Variants in PANK3 observed in about 807,000 individuals in gnomAD.
The protein encoded by PANK3 is pantothenate kinase 3.
A neutral mutation model predicts 39.4 loss-of-function variants in PANK3; 20 were observed. The observed-to-expected ratio is 0.51, with a 90% CI of 0.36 to 0.74. The LOEUF (loss-of-function observed/expected upper bound fraction) is 0.74. Ranked by LOEUF, PANK3 falls within the 30% of genes least tolerant of loss-of-function variation. The probability of loss-of-function intolerance (pLI) is 0.00; values close to 1 mark genes in which losing one functional copy is unlikely to be tolerated. For synonymous variants in PANK3, 140 were observed against 157.3 expected (o/e 0.89, Z 0.82); for missense variants, 265 against 437.0 (o/e 0.61, Z 3.51).
intron 1 of PANK3, 38 bp from the exon 2 acceptor site, chr5:168,569,036 T>TATATATATATAA (rs1759584331): frequency 2.9e-6 from 1 of 346,650 alleles, no homozygotes; most frequent in Non-Finnish European, 4.4e-6. Flanking sequence ...AAAAAATATA[T>TATATATATATAA]ATATATATAT....
chr5:168,565,249 C>A (rs1267080573), intron 3 of PANK3, among the ~76,000 whole-genome samples: 1 of 152,094 alleles, frequency 6.6e-6, no homozygotes, highest in African/African-American at 2.4e-5. Flanking sequence ...CTTCCTTAAA[C>A]TGGAATCTTC....
intron 3 of PANK3, among the ~76,000 whole-genome samples, chr5:168,565,562 G>A (rs1160333175): frequency 6.6e-6 from 1 of 151,920 alleles, no homozygotes; most frequent in East Asian, 1.9e-4. Flanking sequence ...ATAGAACACT[G>A]TTGCTTCCAA....
At chr5:168,564,887 T>A (rs1759501369) in intron 3 of PANK3, among the ~76,000 whole-genome samples, 1 of 152,236 alleles carries the variant, frequency 6.6e-6, no homozygotes, top group Non-Finnish European at 1.5e-5. Context: ...CTGGCCAACA[T>A]GTCAATTACA....
At chr5:168,574,202 T>C (rs1398305639) in intron 1 of PANK3, among the ~76,000 whole-genome samples, 3 of 150,670 alleles carry the variant, frequency 2.0e-5, no homozygotes, top group Admixed American at 6.6e-5. Flanking sequence ...TTTTTAATGA[T>C]TGCCATTCTA....
intron 5 of PANK3, among the ~76,000 whole-genome samples, chr5:168,560,084 G>A (rs1272732869): frequency 3.3e-5 from 5 of 152,098 alleles, no homozygotes; most frequent in Admixed American, 6.5e-5. Flanking sequence ...GTAAACCATG[G>A]CCTAAATTAT....
rs1163775311 is a variant in PANK3 at position 168,554,684 on chromosome 5, T to C, written c.*2887A>G. On this transcript the variant is annotated 3_prime_UTR_variant, in exon 7 of 7. Transcript: ENST00000239231. Reference sequence around the variant, plus strand: ...CATGTTCCTTGCTTTAATATTTCCATTGTAGTGACTAAATATTGGAGCCAA... The same window carrying C: ...CATGTTCCTTGCTTTAATATTTCCACTGTAGTGACTAAATATTGGAGCCAA... 6.6e-6 allele frequency: 1 copy of C among 152,270 alleles called. No individual in the cohort carries two copies. Among genetic ancestry groups the C allele is most frequent in the Non-Finnish European group, 1.5e-5 (1 of 68,042 alleles). 9.4% of individuals were successfully genotyped at this position (152,270 alleles called of 1,614,324 possible).
At chr5:168,573,824 A>C (rs1273695689) in intron 1 of PANK3, among the ~76,000 whole-genome samples, 3 of 152,030 alleles carry the variant, frequency 2.0e-5, no homozygotes, top group Non-Finnish European at 2.9e-5. Flanking sequence ...AATTTCATCC[A>C]TGCCCCTACA....
At position 168,553,228 on chromosome 5, in the gene PANK3, C is replaced by T; in HGVS notation, c.*4343G>A. 2.0e-6 allele frequency: 1 copy of T among 505,182 alleles called. No homozygotes were observed. The allele number at this position is 505,182 out of a possible 1,614,324, so 31.3% of individuals were successfully genotyped here. A position where few individuals can be genotyped will look rare whatever the true frequency, so the allele number is the denominator to read the frequency against. ...ACCAAAGATCTGGATCTCCAGAATA[C>T]CAACGACGTCCAGCTGGTTGAGAGC... On this transcript the variant is annotated 3_prime_UTR_variant, in exon 7 of 7. Coordinates refer to ENST00000239231, the MANE Select transcript of PANK3 (RefSeq NM_024594.4).
rs1040022675 is a variant in PANK3 at position 168,550,251 on chromosome 5, G to A, written c.*7320C>T. On this transcript the variant is annotated 3_prime_UTR_variant, in exon 7 of 7. Transcript: ENST00000239231. ...TGATTTTGCCCAGCTAAAGGCCAAC[G>A]TTAAGTGTTCAGAACACATTTAAGA... The A allele has an allele frequency of 3.3e-5, 5 of 152,146 alleles. No homozygotes were observed. The highest frequency in any genetic ancestry group is 6.5e-5 in the Admixed American group (1 of 15,278). 9.4% of individuals were successfully genotyped at this position (152,146 alleles called of 1,614,324 possible).
chr5:168,571,683 A>C lies in PANK3; in HGVS notation c.29-2685T>G, dbSNP rs974172017. Among the ~76,000 whole-genome samples the C allele has an allele frequency of 2.6e-5, 4 of 152,238 alleles. No individual in the cohort carries two copies. In the South Asian group the frequency reaches 6.2e-4, roughly 24 times the overall value. On this transcript the variant is annotated intron_variant, in intron 1 of 6. Coordinates refer to ENST00000239231, the MANE Select transcript of PANK3 (RefSeq NM_024594.4). The stretch of plus-strand genomic sequence containing the variant: ...TTTATTTGATATGTGTGTGCATTAC[A>C]AAACCAGGAACATATAATTCAATGA...
chr5:168,564,086 T>C, intron 3 of PANK3, 21 bp from the exon 4 acceptor site: 1 of 1,566,722 alleles, frequency 6.4e-7, no homozygotes, highest in Non-Finnish European at 8.6e-7. Flanking sequence ...TAAAGAAACT[T>C]GCTAAGTTGC....
At chr5:168,565,948 C>A in intron 3 of PANK3, 65 bp downstream of exon 3, 1 of 1,447,282 alleles carries the variant, frequency 6.9e-7, no homozygotes, top group South Asian at 1.4e-5. Flanking sequence ...CATTATTATA[C>A]TGATTTCATA....
intron 3 of PANK3, among the ~76,000 whole-genome samples, chr5:168,564,421 T>C (rs1407854009): frequency 6.6e-6 from 1 of 152,168 alleles, no homozygotes; most frequent in Non-Finnish European, 1.5e-5. Flanking sequence ...CCATATTAAT[T>C]ACAAAGAGAA....
intron 5 of PANK3, 127 bp downstream of exon 5, chr5:168,561,266 G>C: frequency 2.8e-6 from 2 of 714,684 alleles, no homozygotes; most frequent in Non-Finnish European, 2.2e-6. Flanking sequence ...ATGAGTCTTG[G>C]CATTTAATGG....
In PANK3 at chr5:168,549,419, T is replaced by C. The variant is rs1759241357; in HGVS notation, c.*8152A>G. The C allele has an allele frequency of 6.6e-6, 1 of 152,200 alleles. No individual in the cohort carries two copies. Among genetic ancestry groups the C allele is most frequent in the African/African-American group, 2.4e-5 (1 of 41,436 alleles). 9.4% of individuals were successfully genotyped at this position (152,200 alleles called of 1,614,324 possible). A position where few individuals can be genotyped will look rare whatever the true frequency, so the allele number is the denominator to read the frequency against. On this transcript the variant is annotated 3_prime_UTR_variant, in exon 7 of 7. Transcript: ENST00000239231. Reference sequence around the variant, plus strand: ...TTATTTTACATTATTTATGTATACTTTACAAATAACACAAATATGGAAATG... The same window carrying C: ...TTATTTTACATTATTTATGTATACTCTACAAATAACACAAATATGGAAATG...
intron 5 of PANK3, among the ~76,000 whole-genome samples, chr5:168,559,611 G>A (rs1456516421): frequency 4.6e-5 from 7 of 152,198 alleles, no homozygotes; most frequent in East Asian, 3.9e-4. Context: ...GACTCTAGCA[G>A]ATGATTTCAG....
Position 168,557,299 on chromosome 5 carries a change from T to A in PANK3, c.*272A>T, listed in dbSNP as rs1759364565. The A allele has an allele frequency of 2.5e-6, 1 of 401,310 alleles. No homozygotes were observed. 24.9% of individuals were successfully genotyped at this position (401,310 alleles called of 1,614,324 possible). On this transcript the variant is annotated 3_prime_UTR_variant, in exon 7 of 7. Transcript: ENST00000239231. ...GAGCATACAGTACTGCAATGTTGGCTACATAAAATAAAAAAATCTTTTTAA... is the reference window on the plus strand; with the variant it reads ...GAGCATACAGTACTGCAATGTTGGCAACATAAAATAAAAAAATCTTTTTAA...
chr5:168,563,300 G>A (rs1353324015), intron 4 of PANK3, among the ~76,000 whole-genome samples: 2 of 152,092 alleles, frequency 1.3e-5, no homozygotes, highest in African/African-American at 2.4e-5. Flanking sequence ...AATATGCAAG[G>A]CTCTTAACCC....
chr5:168,572,170 G>C (rs1372793770), intron 1 of PANK3, among the ~76,000 whole-genome samples: 1 of 140,530 alleles, frequency 7.1e-6, no homozygotes, highest in Non-Finnish European at 1.5e-5. Flanking sequence ...CTGGAGTGCA[G>C]TGGCATGATC....
Sources: gnomAD v4.1 joint callset for allele counts (sites outside exome capture counted in the v4.1 genomes callset) on GRCh38, gnomAD v4.1.1 for gene constraint, MANE v1.5 for transcripts, NCBI Gene and HGNC (gene_info 2026-07-23, HGNC 2026-07-21) for gene names.